Variants in SNTG1 observed in about 807,000 individuals in gnomAD.
SNTG1 encodes gamma-1-syntrophin.
In SNTG1, 39 loss-of-function variants were observed where a neutral mutation model predicts 74.7. That is an observed-to-expected ratio of 0.52 (90% confidence interval 0.40 to 0.68). The LOEUF (loss-of-function observed/expected upper bound fraction) is 0.68. SNTG1 is among the 30% of genes least tolerant of loss of function. The probability of loss-of-function intolerance (pLI) is 0.00; values close to 1 mark genes in which losing one functional copy is unlikely to be tolerated. For missense variants in SNTG1, 685 were observed against 609.5 expected, an observed-to-expected ratio of 1.12 and a Z score of -1.30; for synonymous variants, 254 against 217.1, an observed-to-expected ratio of 1.17 and a Z score of -1.49.
chr8:50,122,075 G>T (rs961939408), intron 1 of SNTG1, among the ~76,000 whole-genome samples: 1 of 140,382 alleles, frequency 7.1e-6, no homozygotes, highest in African/African-American at 2.6e-5. Flanking sequence ...TCCAACCCTC[G>T]ATGCCCCCTG....
At chr8:50,050,095 ATAAAGT>A (rs1214026713) in intron 1 of SNTG1, among the ~76,000 whole-genome samples, 3 of 151,968 alleles carry the variant, frequency 2.0e-5, no homozygotes, top group Non-Finnish European at 2.9e-5. Context: ...AGAAAAAATA[ATAAAGT>A]TAAAGCAGAA....
At chr8:49,962,522 C>G (rs1483451696) in intron 1 of SNTG1, among the ~76,000 whole-genome samples, 1 of 151,888 alleles carries the variant, frequency 6.6e-6, no homozygotes, top group East Asian at 1.9e-4. Flanking sequence ...TGCTGCCACT[C>G]AAGGCCCATG....
At chr8:50,740,693 TG>T (rs1450248329) in intron 17 of SNTG1, among the ~76,000 whole-genome samples, 3 of 152,104 alleles carry the variant, frequency 2.0e-5, no homozygotes, top group Non-Finnish European at 4.4e-5. Context: ...TGCACAAGTA[TG>T]TTCACTGCAG....
chr8:50,655,904 G>T (rs1176889503), intron 13 of SNTG1, among the ~76,000 whole-genome samples: 1 of 152,174 alleles, frequency 6.6e-6, no homozygotes, highest in Non-Finnish European at 1.5e-5. Flanking sequence ...TGGTCCAGGT[G>T]TTAAGCTGAG....
intron 2 of SNTG1, among the ~76,000 whole-genome samples, chr8:50,299,787 T>C (rs2089562021): frequency 6.6e-6 from 1 of 152,094 alleles, no homozygotes; most frequent in African/African-American, 2.4e-5. Context: ...GCTCAGTAGA[T>C]ACGTGTCACT....
chr8:50,063,982 T>C (rs991448611), intron 1 of SNTG1, among the ~76,000 whole-genome samples: 1 of 152,202 alleles, frequency 6.6e-6, no homozygotes, highest in African/African-American at 2.4e-5. Flanking sequence ...TTTCCATCTA[T>C]AGCAACTTAC....
chr8:50,733,750 G>A (rs991019147), intron 17 of SNTG1, among the ~76,000 whole-genome samples: 4 of 151,810 alleles, frequency 2.6e-5, no homozygotes, highest in African/African-American at 9.7e-5. Context: ...GTGTGTTCGT[G>A]TCCTTCGTCT....
intron 1 of SNTG1, among the ~76,000 whole-genome samples, chr8:49,930,795 G>A (rs939238685): frequency 2.0e-5 from 3 of 151,938 alleles, no homozygotes; most frequent in Non-Finnish European, 2.9e-5. Flanking sequence ...TGCACACAGC[G>A]ATGCTCCCAA....
At chr8:50,377,813 A>C (rs1043774792) in intron 2 of SNTG1, among the ~76,000 whole-genome samples, 1 of 152,240 alleles carries the variant, frequency 6.6e-6, no homozygotes, top group African/African-American at 2.4e-5. Flanking sequence ...TTGATTTTTA[A>C]AAAAATTGAT....
At chr8:50,620,584 C>A (rs557760141) in intron 13 of SNTG1, among the ~76,000 whole-genome samples, 3 of 152,182 alleles carry the variant, frequency 2.0e-5, no homozygotes, top group South Asian at 4.1e-4. Context: ...TGCTGGGGTG[C>A]CTCAGAGAGA....
At chr8:50,295,351 A>G (rs976165983) in intron 2 of SNTG1, among the ~76,000 whole-genome samples, 2 of 152,212 alleles carry the variant, frequency 1.3e-5, no homozygotes, top group Middle Eastern at 3.2e-3. Context: ...TAATACTTCT[A>G]TATCTCTACT....
chr8:50,608,682 G>A (rs2094829933), intron 13 of SNTG1, among the ~76,000 whole-genome samples: 2 of 151,628 alleles, frequency 1.3e-5, no homozygotes, highest in African/African-American at 2.4e-5. Flanking sequence ...TTTGATTAAG[G>A]TGTTTCAGTC....
chr8:50,011,303 C>T (rs1387415271), intron 1 of SNTG1, among the ~76,000 whole-genome samples: 2 of 152,052 alleles, frequency 1.3e-5, no homozygotes, highest in East Asian at 1.9e-4. Context: ...TAAAATACCC[C>T]GTTAAAGATT....
At chr8:49,949,556 T>C (rs867983687) in intron 1 of SNTG1, among the ~76,000 whole-genome samples, 1 of 152,208 alleles carries the variant, frequency 6.6e-6, no homozygotes, top group Non-Finnish European at 1.5e-5. Flanking sequence ...CTGGCCTTCA[T>C]GTAGCTCATT....
At chr8:49,930,659 A>G (rs1314762939) in intron 1 of SNTG1, among the ~76,000 whole-genome samples, 1 of 152,058 alleles carries the variant, frequency 6.6e-6, no homozygotes, top group Non-Finnish European at 1.5e-5. Context: ...CACCAGTAAA[A>G]CCACTTCCTT....
At chr8:50,566,865 C>T (rs2094519034) in intron 12 of SNTG1, among the ~76,000 whole-genome samples, 1 of 151,988 alleles carries the variant, frequency 6.6e-6, no homozygotes, top group South Asian at 2.1e-4. Context: ...GAAACAGAAA[C>T]TAGGTAACTT....
chr8:50,336,472 C>G (rs1461790647), intron 2 of SNTG1, among the ~76,000 whole-genome samples: 1 of 152,096 alleles, frequency 6.6e-6, no homozygotes. Flanking sequence ...TTATGAGGTT[C>G]TTCTAGATTG....
intron 18 of SNTG1, among the ~76,000 whole-genome samples, chr8:50,756,629 G>C (rs1003305861): frequency 6.6e-6 from 1 of 151,546 alleles, no homozygotes; most frequent in African/African-American, 2.4e-5. Context: ...TGATCTATTT[G>C]TCTGTTTCTT....
chr8:50,558,158 A>C (rs1237590318), intron 12 of SNTG1, among the ~76,000 whole-genome samples: 2 of 152,116 alleles, frequency 1.3e-5, no homozygotes, highest in African/African-American at 4.8e-5. Context: ...TGCCACAAAA[A>C]CTAATTTTTC....
Sources: allele counts gnomAD v4.1 joint callset (sites outside exome capture counted in the v4.1 genomes callset), GRCh38; gene constraint gnomAD v4.1.1; transcripts MANE v1.5; gene names NCBI Gene and HGNC (gene_info 2026-07-23, HGNC 2026-07-21).